Variants in ADK observed in about 807,000 individuals in gnomAD.
ADK encodes the protein N6,N6-dimethyladenosine kinase.
In ADK, 24 loss-of-function variants were observed where a neutral mutation model predicts 44.7. That is an observed-to-expected ratio of 0.54 (90% confidence interval 0.39 to 0.76). The LOEUF is 0.76. Ranked by LOEUF, ADK falls within the 30% of genes least tolerant of loss-of-function variation. The pLI is 0.00. For missense variants in ADK, 321 were observed against 425.1 expected (o/e 0.76, Z 2.15); for synonymous variants, 128 against 142.6 (o/e 0.90, Z 0.73).
At chr10:74,239,860 T>C (rs1845134412) in intron 3 of ADK, among the ~76,000 whole-genome samples, 1 of 152,078 alleles carries the variant, frequency 6.6e-6, no homozygotes, top group South Asian at 2.1e-4. Context: ...AATAAAATAT[T>C]CTATTTAGTT....
chr10:74,347,537 C>A (rs1242493913), intron 4 of ADK, among the ~76,000 whole-genome samples: 1 of 151,810 alleles, frequency 6.6e-6, no homozygotes, highest in South Asian at 2.1e-4. Flanking sequence ...TTTTTCGTAC[C>A]CCAGTGGCAC....
chr10:74,541,801 C>A lies in ADK; in HGVS notation c.726+16375C>A, dbSNP rs577567952. On this transcript the variant is annotated intron_variant, in intron 7 of 10. Transcript: ENST00000539909. ...GAACGAGAACCCCCACACACCCCCCCCCCCTAAAAAAAAACAACACAACAC... is the reference window on the plus strand; with the variant it reads ...GAACGAGAACCCCCACACACCCCCCACCCCTAAAAAAAAACAACACAACAC... Among the ~76,000 whole-genome samples the A allele has an allele frequency of 1.5e-3, 207 of 135,642 alleles. 16 individuals carry two copies. The highest frequency in any genetic ancestry group is 5.6e-3 in the African/African-American group (201 of 35,902). 89.0% of individuals were successfully genotyped at this position (135,642 alleles called of 152,430 possible). A position where few individuals can be genotyped will look rare whatever the true frequency, so the allele number is the denominator to read the frequency against.
chr10:74,708,294 ATG>A, intron 10 of ADK, 25 bp from the exon 11 acceptor site: 2 of 1,605,392 alleles, frequency 1.2e-6, no homozygotes, highest in Non-Finnish European at 8.5e-7. Context: ...TACAATACTC[ATG>A]TGTTTTTTTT....
chr10:74,251,894 CTTTTTTTT>C (rs566363104), intron 3 of ADK, among the ~76,000 whole-genome samples: 8 of 99,388 alleles, frequency 8.0e-5, no homozygotes, highest in African/African-American at 2.8e-4. Context: ...GTGGCAGATA[CTTTTTTTT>C]TTTTTTTTTT....
At chr10:74,574,244 G>A (rs112535589) in intron 7 of ADK, among the ~76,000 whole-genome samples, 18 of 145,918 alleles carry the variant, frequency 1.2e-4, no homozygotes, top group East Asian at 8.3e-4. Context: ...TCAGCTCACC[G>A]CAACCTCCAT....
intron 10 of ADK, among the ~76,000 whole-genome samples, chr10:74,699,087 T>G (rs1374570566): frequency 6.9e-6 from 1 of 145,088 alleles, no homozygotes; most frequent in Non-Finnish European, 1.5e-5. Context: ...CAAATGATTC[T>G]CCCATCTCAG....
chr10:74,543,915 CCATTATA>C (rs1334033249), intron 7 of ADK, among the ~76,000 whole-genome samples: 1 of 151,470 alleles, frequency 6.6e-6, no homozygotes, highest in Admixed American at 6.6e-5. Context: ...GAATTAATCC[CCATTATA>C]CACTCTTTAG....
Position 74,207,528 on chromosome 10 carries a change from G to A in ADK, c.140+6690G>A, listed in dbSNP as rs371230996. On this transcript the variant is annotated intron_variant, in intron 2 of 10. Transcript: ENST00000539909. ...AACAGCTCTCAGGAGACCCGAAGTG[G>A]GTAGCTCCTTTCTGCAGGCAGGTCG... 5.3e-5 allele frequency among the ~76,000 whole-genome samples: 8 copies of A among 152,296 alleles called. No individual in the cohort carries two copies. The East Asian group carries it at 9.7e-4, about 18-fold the overall frequency.
intron 9 of ADK, among the ~76,000 whole-genome samples, chr10:74,620,023 A>T (rs1852927028): frequency 6.6e-6 from 1 of 152,156 alleles, no homozygotes; most frequent in East Asian, 1.9e-4. Flanking sequence ...CACCCTGCCC[A>T]TCGTGATGTT....
intron 10 of ADK, among the ~76,000 whole-genome samples, chr10:74,690,403 G>A (rs1855947485): frequency 6.6e-6 from 1 of 152,200 alleles, no homozygotes; most frequent in African/African-American, 2.4e-5. Context: ...GGCTGAGGTG[G>A]GAGGATTGCT....
intron 9 of ADK, among the ~76,000 whole-genome samples, chr10:74,614,905 A>C (rs544133722): frequency 6.6e-6 from 1 of 152,268 alleles, no homozygotes; most frequent in South Asian, 2.1e-4. Context: ...ATGTATAATA[A>C]CCTATGTATA....
chr10:74,545,322 A>G (rs1849786839), intron 7 of ADK, among the ~76,000 whole-genome samples: 1 of 152,134 alleles, frequency 6.6e-6, no homozygotes, highest in African/African-American at 2.4e-5. Flanking sequence ...GTTTTCACGT[A>G]TGGAGTTCAG....
chr10:74,219,798 A>T (rs1009238543), intron 2 of ADK, among the ~76,000 whole-genome samples: 4 of 151,606 alleles, frequency 2.6e-5, no homozygotes, highest in Non-Finnish European at 5.9e-5. Flanking sequence ...GAAGGCAGAA[A>T]TAAAGATGTT....
chr10:74,266,571 A>G (rs1215788854), intron 3 of ADK, among the ~76,000 whole-genome samples: 1 of 152,044 alleles, frequency 6.6e-6, no homozygotes, highest in Non-Finnish European at 1.5e-5. Flanking sequence ...AAAGAAAAAA[A>G]GAAGAAAAAA....
At chr10:74,299,680 CT>C (rs1279728646) in intron 3 of ADK, among the ~76,000 whole-genome samples, 1 of 151,284 alleles carries the variant, frequency 6.6e-6, no homozygotes, top group Non-Finnish European at 1.5e-5. Context: ...GTTTGTGAAA[CT>C]ATAAGGTTGT....
At chr10:74,274,732 G>GTGTGTATATATATATATATATA (rs1554836801) in intron 3 of ADK, among the ~76,000 whole-genome samples, 2 of 84,202 alleles carry the variant, frequency 2.4e-5, no homozygotes, top group Admixed American at 1.3e-4. Context: ...TTTAATGTGT[G>GTGTGTATATATATATATATATA]TATATATATA....
At chr10:74,226,331 T>A (rs1844539782) in intron 3 of ADK, among the ~76,000 whole-genome samples, 1 of 152,192 alleles carries the variant, frequency 6.6e-6, no homozygotes, top group Non-Finnish European at 1.5e-5. Context: ...GGTCTTGAAT[T>A]CCTGACCTCA....
chr10:74,495,896 G>A (rs766707458), intron 6 of ADK, among the ~76,000 whole-genome samples: 3 of 151,992 alleles, frequency 2.0e-5, no homozygotes, highest in Non-Finnish European at 4.4e-5. Context: ...GATTTTTGTT[G>A]GAATCTCCTC....
intron 9 of ADK, among the ~76,000 whole-genome samples, chr10:74,603,793 T>C (rs1282964316): frequency 6.6e-6 from 1 of 152,240 alleles, no homozygotes; most frequent in African/African-American, 2.4e-5. Flanking sequence ...TCAAATGGTA[T>C]TTCCTGTTCT....
Sources: allele counts gnomAD v4.1 joint callset (sites outside exome capture counted in the v4.1 genomes callset), GRCh38; gene constraint gnomAD v4.1.1; transcripts MANE v1.5; gene names NCBI Gene and HGNC (gene_info 2026-07-23, HGNC 2026-07-21).